The following RFX3 variants were observed in gnomAD, a reference collection of about 807,000 sequenced individuals.
RFX3 encodes transcription factor RFX3.
Under a neutral mutation model 98.6 loss-of-function variants are expected in RFX3, and 14 were observed. The observed-to-expected ratio is 0.14, with a 90% CI of 0.09 to 0.22. The LOEUF (loss-of-function observed/expected upper bound fraction) is 0.22. Ranked by LOEUF, RFX3 falls within the 10% of genes least tolerant of loss-of-function variation. The pLI is 1.00. For missense variants in RFX3, 639 were observed against 926.9 expected (o/e 0.69, Z 4.03); for synonymous variants, 383 against 328.4 (o/e 1.17, Z -1.80).
At chr9:3,269,583 CTG>C (rs1824104645) in intron 11 of RFX3, among the ~76,000 whole-genome samples, 2 of 152,130 alleles carry the variant, frequency 1.3e-5, no homozygotes, top group Non-Finnish European at 2.9e-5. Context: ...CTAACAGTAT[CTG>C]TGGTAGCGTT....
intron 2 of RFX3, among the ~76,000 whole-genome samples, chr9:3,354,554 C>CA (rs201878460): frequency 1.1e-4 from 17 of 150,388 alleles, no homozygotes; most frequent in East Asian, 2.0e-4. Context: ...AAGTCTAAGA[C>CA]AAAAAAAACA....
At chr9:3,324,109 G>C (rs747825804) in intron 4 of RFX3, 3 of 396,416 alleles carry the variant, frequency 7.6e-6, no homozygotes, top group South Asian at 2.0e-5. Flanking sequence ...GGGAAAAAGG[G>C]ACACAGGAAA....
chr9:3,287,911 T>A (rs1429099964), intron 7 of RFX3, among the ~76,000 whole-genome samples: 1 of 151,998 alleles, frequency 6.6e-6, no homozygotes, highest in Admixed American at 6.6e-5. Flanking sequence ...GATGTCACAC[T>A]TAAAAGGGGC....
At chr9:3,242,899 A>T (rs1414861493) in intron 15 of RFX3, among the ~76,000 whole-genome samples, 4 of 151,972 alleles carry the variant, frequency 2.6e-5, no homozygotes, top group African/African-American at 9.6e-5. Context: ...GAGGTGGCTT[A>T]GACATAATAT....
intron 6 of RFX3, among the ~76,000 whole-genome samples, chr9:3,290,220 G>T (rs376212351): frequency 1.8e-4 from 27 of 150,532 alleles, no homozygotes; most frequent in African/African-American, 5.9e-4. Flanking sequence ...AAAAACAGGA[G>T]ACATAATTCA....
At chr9:3,470,775 T>C (rs539907943) in intron 1 of RFX3, among the ~76,000 whole-genome samples, 1 of 152,346 alleles carries the variant, frequency 6.6e-6, no homozygotes, top group Non-Finnish European at 1.5e-5. Context: ...TTATCATCTA[T>C]GCATATAAAC....
intron 2 of RFX3, among the ~76,000 whole-genome samples, chr9:3,393,418 C>T (rs1840526678): frequency 6.6e-6 from 1 of 152,020 alleles, no homozygotes; most frequent in Admixed American, 6.6e-5. Context: ...CAGAAGGCAC[C>T]TTCCAGAGAT....
At chr9:3,401,373 C>A (rs1199908161) in intron 1 of RFX3, among the ~76,000 whole-genome samples, 1 of 152,166 alleles carries the variant, frequency 6.6e-6, no homozygotes, top group South Asian at 2.1e-4. Context: ...GAGAGCAGTG[C>A]CCTAGCATGC....
intron 1 of RFX3, among the ~76,000 whole-genome samples, chr9:3,518,526 A>T (rs2133905437): frequency 6.6e-6 from 1 of 152,348 alleles, no homozygotes; most frequent in Non-Finnish European, 1.5e-5. Context: ...GACATATAGT[A>T]TCAGGTAAAT....
intron 2 of RFX3, among the ~76,000 whole-genome samples, chr9:3,393,712 T>C (rs1422895759): frequency 6.8e-6 from 1 of 147,264 alleles, no homozygotes; most frequent in Non-Finnish European, 1.5e-5. Flanking sequence ...AAGATTCATT[T>C]TTAATGGTTA....
intron 1 of RFX3, among the ~76,000 whole-genome samples, chr9:3,462,073 A>G (rs1314739834): frequency 6.6e-6 from 1 of 152,012 alleles, no homozygotes; most frequent in African/African-American, 2.4e-5. Flanking sequence ...TCCCCAACTC[A>G]TTTTATGAGA....
intron 1 of RFX3, among the ~76,000 whole-genome samples, chr9:3,506,026 G>C (rs1817057061): frequency 6.6e-6 from 1 of 151,770 alleles, no homozygotes; most frequent in East Asian, 1.9e-4. Flanking sequence ...TTTTTAAAAA[G>C]TGAAATGAGC....
At chr9:3,523,580 C>A (rs1301562254) in intron 1 of RFX3, among the ~76,000 whole-genome samples, 1 of 152,122 alleles carries the variant, frequency 6.6e-6, no homozygotes, top group South Asian at 2.1e-4. Context: ...TTCTCAGACA[C>A]TGTAAATAAA....
chr9:3,485,109 C>T (rs1850147752), intron 1 of RFX3, among the ~76,000 whole-genome samples: 2 of 151,950 alleles, frequency 1.3e-5, no homozygotes, highest in South Asian at 4.1e-4. Flanking sequence ...AAGAGCCTAT[C>T]TCAAAACAAA....
intron 2 of RFX3, among the ~76,000 whole-genome samples, chr9:3,351,593 C>G (rs547032211): frequency 3.4e-4 from 51 of 151,706 alleles, no homozygotes; most frequent in South Asian, 1.5e-3. Flanking sequence ...TATAGTATCC[C>G]ACATATATAA....
intron 1 of RFX3, among the ~76,000 whole-genome samples, chr9:3,456,882 C>T (rs1226096256): frequency 6.6e-6 from 1 of 152,016 alleles, no homozygotes; most frequent in African/African-American, 2.4e-5. Flanking sequence ...GGCGCAGTGG[C>T]TCATGCCTGT....
chr9:3,280,159 G>A (rs755589918), intron 7 of RFX3, among the ~76,000 whole-genome samples: 2 of 151,768 alleles, frequency 1.3e-5, no homozygotes, highest in Non-Finnish European at 2.9e-5. Context: ...TTCATTCTTG[G>A]TTGCTTGGCT....
chr9:3,373,078 T>C (rs1838043764), intron 2 of RFX3, among the ~76,000 whole-genome samples: 1 of 152,204 alleles, frequency 6.6e-6, no homozygotes. Context: ...TCTATGTTTG[T>C]ATCTCTAAGC....
intron 1 of RFX3, among the ~76,000 whole-genome samples, chr9:3,485,959 C>T (rs111501460): frequency 0.014 from 2,181 of 151,514 alleles, 38 homozygotes; most frequent in African/African-American, 0.041. Context: ...ACCCTGTCTC[C>T]ACTAAAAATA....
Sources: gnomAD v4.1 joint callset for allele counts (sites outside exome capture counted in the v4.1 genomes callset) on GRCh38, gnomAD v4.1.1 for gene constraint, MANE v1.5 for transcripts, NCBI Gene and HGNC (gene_info 2026-07-23, HGNC 2026-07-21) for gene names.